Variants in RABGAP1 observed in about 807,000 individuals in gnomAD.
RABGAP1 encodes rab GTPase-activating protein 1.
A neutral mutation model predicts 137.6 loss-of-function variants in RABGAP1; 23 were observed. The observed-to-expected ratio is 0.17, with a 90% CI of 0.12 to 0.24. The LOEUF (loss-of-function observed/expected upper bound fraction) is 0.24, where lower values mean the gene tolerates loss of function less well. Among genes scored for constraint, RABGAP1 ranks in the 10% least tolerant of loss-of-function variants. The probability of loss-of-function intolerance (pLI) is 1.00; values close to 1 mark genes in which losing one functional copy is unlikely to be tolerated. For synonymous variants in RABGAP1, 451 were observed against 450.7 expected (o/e 1.00, Z -0.01); for missense variants, 906 against 1,275.8 (o/e 0.71, Z 4.42).
chr9:123,086,904 C>T (rs1462815843), intron 19 of RABGAP1, among the ~76,000 whole-genome samples: 1 of 152,144 alleles, frequency 6.6e-6, no homozygotes, highest in Non-Finnish European at 1.5e-5. Context: ...ACAAGCAGAG[C>T]TCTTAGAGAA....
At chr9:123,053,063 A>T (rs1443348902) in intron 13 of RABGAP1, among the ~76,000 whole-genome samples, 1 of 152,246 alleles carries the variant, frequency 6.6e-6, no homozygotes, top group Non-Finnish European at 1.5e-5. Context: ...TTATTTTGTC[A>T]TAATTCTTGT....
chr9:123,047,274 G>A (rs1384613382), intron 13 of RABGAP1, among the ~76,000 whole-genome samples: 6 of 152,092 alleles, frequency 3.9e-5, no homozygotes, highest in Non-Finnish European at 5.9e-5. Flanking sequence ...AAAAATAAAT[G>A]GGTATTTCTA....
At chr9:123,037,973 G>A (rs1179105696) in intron 13 of RABGAP1, among the ~76,000 whole-genome samples, 2 of 152,146 alleles carry the variant, frequency 1.3e-5, no homozygotes, top group African/African-American at 4.8e-5. Context: ...TATATGGCAT[G>A]TGACTGGTAT....
chr9:123,007,505 G>A (rs542965954), intron 10 of RABGAP1, among the ~76,000 whole-genome samples: 1 of 148,950 alleles, frequency 6.7e-6, no homozygotes, highest in South Asian at 2.1e-4. Flanking sequence ...AGCCTCCTGA[G>A]TAGCTGGGAC....
chr9:122,954,609 C>T (rs1019341365), intron 1 of RABGAP1, among the ~76,000 whole-genome samples: 1 of 152,102 alleles, frequency 6.6e-6, no homozygotes, highest in Non-Finnish European at 1.5e-5. Context: ...TTCCCAGGCC[C>T]TCTGGCATCC....
At chr9:122,992,280 C>G (rs77337760) in intron 6 of RABGAP1, among the ~76,000 whole-genome samples, 3,594 of 152,258 alleles carry the variant, frequency 0.024, 65 homozygotes, top group Non-Finnish European at 0.038. Flanking sequence ...CTCAAGTGAT[C>G]CATTTACCTG....
At chr9:122,992,266 C>T (rs925670353) in intron 6 of RABGAP1, among the ~76,000 whole-genome samples, 1 of 152,062 alleles carries the variant, frequency 6.6e-6, no homozygotes, top group Non-Finnish European at 1.5e-5. Flanking sequence ...CTCAAACTCC[C>T]GGCCTCAAGT....
intron 13 of RABGAP1, among the ~76,000 whole-genome samples, chr9:123,059,325 C>T (rs1328342028): frequency 5.9e-5 from 9 of 151,960 alleles, no homozygotes; most frequent in Non-Finnish European, 1.2e-4. Context: ...GAGGCCGAGG[C>T]GGGCGGATCA....
At chr9:123,035,136 C>CT in intron 13 of RABGAP1, 1 of 1,613,908 alleles carries the variant, frequency 6.2e-7, no homozygotes, top group Non-Finnish European at 8.5e-7. Flanking sequence ...CCGACTCCTA[C>CT]TTCACCCTGT....
At chr9:122,950,377 C>CTGTTTTTTTTTTTTTTTTTTTTTTTTTTT (rs1834167360) in intron 1 of RABGAP1, among the ~76,000 whole-genome samples, 1 of 74,492 alleles carries the variant, frequency 1.3e-5, no homozygotes, top group Non-Finnish European at 2.4e-5. Flanking sequence ...CTTTTTCTTT[C>CTGTTTTTTTTTTTTTTTTTTTTTTTTTTT]TTTTTTTTTT....
intron 1 of RABGAP1, among the ~76,000 whole-genome samples, chr9:122,954,480 A>G (rs1006589095): frequency 6.6e-6 from 1 of 152,236 alleles, no homozygotes; most frequent in African/African-American, 2.4e-5. Context: ...AGTAGGTGGA[A>G]CTTTGAGCTT....
chr9:122,966,201 C>A (rs910350142), intron 2 of RABGAP1, among the ~76,000 whole-genome samples: 16 of 152,074 alleles, frequency 1.1e-4, no homozygotes, highest in African/African-American at 3.9e-4. Flanking sequence ...ATTGTAGCTG[C>A]CATCAATAGT....
chr9:122,998,990 G>A (rs1418250896), intron 10 of RABGAP1, among the ~76,000 whole-genome samples: 1 of 151,992 alleles, frequency 6.6e-6, no homozygotes. Context: ...CTTTCAACCC[G>A]AAGAACAGCA....
intron 19 of RABGAP1, among the ~76,000 whole-genome samples, chr9:123,089,016 G>A (rs2034956088): frequency 1.3e-5 from 2 of 152,180 alleles, no homozygotes; most frequent in African/African-American, 2.4e-5. Flanking sequence ...GGCAGGTCTT[G>A]AAGCAATGGA....
At chr9:122,999,139 C>T (rs1221064057) in intron 10 of RABGAP1, among the ~76,000 whole-genome samples, 1 of 151,602 alleles carries the variant, frequency 6.6e-6, no homozygotes, top group Non-Finnish European at 1.5e-5. Context: ...TCAAGATGTC[C>T]TTCCTATTCT....
chr9:122,990,022 A>G (rs1301077341), intron 5 of RABGAP1, 34 bp from the exon 6 acceptor site: 3 of 1,531,088 alleles, frequency 2.0e-6, no homozygotes, highest in South Asian at 1.2e-5. Context: ...ATATCTTTTG[A>G]TAACAGCCCA....
intron 1 of RABGAP1, among the ~76,000 whole-genome samples, chr9:122,953,550 C>G (rs1212447492): frequency 1.3e-5 from 2 of 152,068 alleles, no homozygotes; most frequent in Non-Finnish European, 1.5e-5. Context: ...TACAGGCGTG[C>G]GCCACCATGC....
chr9:123,026,801 G>A (rs918234894), intron 13 of RABGAP1, among the ~76,000 whole-genome samples: 4 of 152,134 alleles, frequency 2.6e-5, no homozygotes, highest in Non-Finnish European at 5.9e-5. Context: ...CCTTCTTTCT[G>A]ATGGTTATTT....
Position 123,020,389 on chromosome 9 carries a change from T to C in RABGAP1, c.1724T>C (p.Val575Ala). ...NGVPEALRGE[V>A]WQLLAGCHNN... ...GTCCCTGAAGCTCTTCGAGGAGAAGTCTGGCAGCTGCTAGCAGGCTGTCAT... is the reference window on the plus strand; with the variant it reads ...GTCCCTGAAGCTCTTCGAGGAGAAGCCTGGCAGCTGCTAGCAGGCTGTCAT... The change falls in exon 13 of 26, where the codon GTC becomes GCC. Residue 575 changes from valine (V) to alanine (A), a missense_variant. This residue lies in a region of RABGAP1 where 212 missense variants were observed against 289.4 expected (regional missense o/e 0.73). Transcript: ENST00000373647. The C allele has an allele frequency of 6.2e-7, 1 of 1,607,802 alleles. No individual in the cohort carries two copies. The highest frequency in any genetic ancestry group is 1.1e-5 in the South Asian group (1 of 89,226).
Sources: allele counts gnomAD v4.1 joint callset (sites outside exome capture counted in the v4.1 genomes callset), GRCh38; gene constraint gnomAD v4.1.1; regional missense constraint gnomAD v4.1.1; transcripts MANE v1.5; gene names NCBI Gene and HGNC (gene_info 2026-07-23, HGNC 2026-07-21).